The following DCUN1D1 variants were observed in gnomAD, a reference collection of about 807,000 sequenced individuals.
The protein encoded by DCUN1D1 is DCN1-like protein 1.
Under a neutral mutation model 39.0 loss-of-function variants are expected in DCUN1D1, and 3 were observed. That is an observed-to-expected ratio of 0.08 (90% CI 0.04 to 0.20). DCUN1D1 has a LOEUF of 0.20. Ranked by LOEUF, DCUN1D1 falls within the 10% of genes least tolerant of loss-of-function variation. The pLI is 1.00. For synonymous variants in DCUN1D1, 82 were observed against 96.3 expected (o/e 0.85, Z 0.87); for missense variants, 158 against 302.4 (o/e 0.52, Z 3.54).
At chr3:182,952,301 C>T (rs987023980) in intron 4 of DCUN1D1, among the ~76,000 whole-genome samples, 3 of 152,168 alleles carry the variant, frequency 2.0e-5, no homozygotes, top group South Asian at 2.1e-4. Flanking sequence ...TTCCTCCATT[C>T]GTCCATTACA....
At chr3:182,971,879 T>G (rs982083798) in intron 1 of DCUN1D1, among the ~76,000 whole-genome samples, 1 of 152,112 alleles carries the variant, frequency 6.6e-6, no homozygotes, top group Non-Finnish European at 1.5e-5. Context: ...AGGGCAAAAG[T>G]GCAACCACTG....
Position 182,939,993 on chromosome 3 carries a change from C to A in DCUN1D1, c.*5101G>T, listed in dbSNP as rs1315074085. The A allele has an allele frequency of 6.6e-6, 1 of 152,106 alleles. No individual in the cohort carries two copies. The highest frequency in any genetic ancestry group is 2.4e-5 in the African/African-American group (1 of 41,418). 9.4% of individuals were successfully genotyped at this position (152,106 alleles called of 1,614,324 possible). ...TTAGCATTTGCTTGAAAACTAAACA[C>A]GCTGCTTTCAAAGGATTCCAAGTAC... is the stretch of plus-strand genomic sequence containing the variant. On this transcript the variant is annotated 3_prime_UTR_variant, in exon 7 of 7. Transcript: ENST00000292782.
intron 4 of DCUN1D1, among the ~76,000 whole-genome samples, chr3:182,951,244 T>G (rs1321983494): frequency 1.3e-5 from 2 of 152,162 alleles, no homozygotes; most frequent in African/African-American, 4.8e-5. Context: ...GCTTTAAGTT[T>G]ATCAGAACTA....
intron 1 of DCUN1D1, among the ~76,000 whole-genome samples, chr3:182,969,166 C>G (rs1210611154): frequency 6.6e-6 from 1 of 152,188 alleles, no homozygotes; most frequent in East Asian, 1.9e-4. Context: ...TCCTAGAATA[C>G]ATTGTAACAT....
chr3:182,961,181 T>G (rs144878955), intron 4 of DCUN1D1, 45 bp downstream of exon 4: 2 of 1,318,012 alleles, frequency 1.5e-6, no homozygotes, highest in East Asian at 4.8e-5. Context: ...GTCAATGTAT[T>G]TGAATATATC....
upstream of DCUN1D1, chr3:182,981,071 A>G (rs1211122334): frequency 6.6e-6 from 1 of 151,892 alleles, no homozygotes; most frequent in Non-Finnish European, 1.5e-5. Flanking sequence ...TCAGTATCAG[A>G]CCTACATCAG....
At chr3:182,945,917 T>G (rs1489637621) in intron 6 of DCUN1D1, among the ~76,000 whole-genome samples, 2 of 152,184 alleles carry the variant, frequency 1.3e-5, no homozygotes, top group African/African-American at 4.8e-5. Context: ...TTTCTCACTT[T>G]GCAGGGAAGA....
At chr3:182,956,298 G>T in intron 4 of DCUN1D1, 2 of 271,828 alleles carry the variant, frequency 7.4e-6, no homozygotes, top group East Asian at 9.4e-5. Flanking sequence ...TTGCCTTTCT[G>T]GGAGCTCATC....
chr3:182,980,149 C>G, intron 1 of DCUN1D1: 2 of 782,472 alleles, frequency 2.6e-6, no homozygotes, highest in Non-Finnish European at 1.6e-6. Flanking sequence ...GCCGTTGCCC[C>G]CTCCCCTCCC....
intron 2 of DCUN1D1, among the ~76,000 whole-genome samples, chr3:182,964,970 A>T (rs1727596628): frequency 6.6e-6 from 1 of 152,174 alleles, no homozygotes; most frequent in African/African-American, 2.4e-5. Flanking sequence ...TAATCTGGCA[A>T]TATTTCCAGC....
intron 4 of DCUN1D1, among the ~76,000 whole-genome samples, chr3:182,951,719 G>A (rs1419826459): frequency 2.7e-4 from 38 of 141,730 alleles, no homozygotes; most frequent in African/African-American, 8.2e-4. Flanking sequence ...TTTTTGAGAC[G>A]GAGTTTCACT....
At chr3:182,949,213 A>T (rs1465741910) in intron 4 of DCUN1D1, among the ~76,000 whole-genome samples, 9 of 151,852 alleles carry the variant, frequency 5.9e-5, no homozygotes, top group Non-Finnish European at 1.3e-4. Context: ...ATACAAAAAA[A>T]TTAGCTGGGC....
chr3:182,947,738 T>C, intron 4 of DCUN1D1, 106 bp from the exon 5 acceptor site: 1 of 675,320 alleles, frequency 1.5e-6, no homozygotes, highest in Non-Finnish European at 2.5e-6. Flanking sequence ...AGTCTAAAAA[T>C]AAAAAACTTG....
Position 182,959,525 on chromosome 3 carries a change from A to AAC in DCUN1D1, c.520+1699_520+1700dup, listed in dbSNP as rs1161813654. On this transcript the variant is annotated intron_variant, in intron 4 of 6. Transcript: ENST00000292782. ...CCAAAAAAAAAAAAAAAAAAAAAAA[A>AAC]ACCTCATTTACCTTCACTGGGTAAG... Among the ~76,000 whole-genome samples the AAC allele has an allele frequency of 6.0e-5, 9 of 151,154 alleles. No homozygotes were observed. In the South Asian group the frequency reaches 6.3e-4, roughly 11 times the overall value.
chr3:182,966,719 T>C (rs60671056), intron 1 of DCUN1D1, among the ~76,000 whole-genome samples: 1 of 152,120 alleles, frequency 6.6e-6, no homozygotes, highest in African/African-American at 2.4e-5. Context: ...CCTCCCAAGC[T>C]CCAATACCAT....
chr3:182,957,932 T>C (rs1727164567), intron 4 of DCUN1D1, among the ~76,000 whole-genome samples: 1 of 77,122 alleles, frequency 1.3e-5, no homozygotes, highest in Non-Finnish European at 2.5e-5. Context: ...AGCAAGACCC[T>C]GCATCAAAAA....
rs555187592 is a variant in DCUN1D1, at chr3:182,957,597, AC to A, written c.520+3628del. Among the ~76,000 whole-genome samples, 255 of 151,250 alleles carry A rather than the reference AC, an allele frequency of 1.7e-3. 1 individual carries two copies. Among genetic ancestry groups the A allele is most frequent in the African/African-American group, 5.9e-3 (242 of 41,176 alleles). ...GCTACGATCATGGCACTACAGTCCAACCTAGGCAAGAGAGCCAGATCCTGTA... is the reference window on the plus strand; with the variant it reads ...GCTACGATCATGGCACTACAGTCCAACTAGGCAAGAGAGCCAGATCCTGTA... On this transcript the variant is annotated intron_variant, in intron 4 of 6. Transcript: ENST00000292782.
rs991100306 is a variant in DCUN1D1, at chr3:182,939,068, A to C, written c.*6026T>G. 5.9e-5 allele frequency: 9 copies of C among 152,258 alleles called. No homozygotes were observed. Among genetic ancestry groups the C allele is most frequent in the African/African-American group, 2.2e-4 (9 of 41,464 alleles). The allele number at this position is 152,258 out of a possible 1,614,324, so 9.4% of individuals were successfully genotyped here. On this transcript the variant is annotated 3_prime_UTR_variant, in exon 7 of 7. Coordinates refer to ENST00000292782, the MANE Select transcript of DCUN1D1 (RefSeq NM_020640.4). ...CTCCAAGAGAGTACATGTCTACTAG[A>C]GTAACTAATTTTACAGCAATCGCTG...
At chr3:182,948,917 G>A (rs1299941858) in intron 4 of DCUN1D1, among the ~76,000 whole-genome samples, 6 of 151,558 alleles carry the variant, frequency 4.0e-5, no homozygotes, top group East Asian at 1.9e-4. Flanking sequence ...GCATAGTGGC[G>A]GGCACCTGTA....
Sources: gnomAD v4.1 joint callset for allele counts (sites outside exome capture counted in the v4.1 genomes callset) on GRCh38, gnomAD v4.1.1 for gene constraint, MANE v1.5 for transcripts, NCBI Gene and HGNC (gene_info 2026-07-23, HGNC 2026-07-21) for gene names.